CD4: variants seen among roughly 807,000 people sequenced by gnomAD.
CD4 encodes CD4 molecule.
Under a neutral mutation model 50.5 loss-of-function variants are expected in CD4, and 25 were observed. The observed-to-expected ratio is 0.49, with a 90% CI of 0.36 to 0.69. The LOEUF (loss-of-function observed/expected upper bound fraction) is 0.69. Ranked by LOEUF, CD4 falls within the 30% of genes least tolerant of loss-of-function variation. CD4 has a pLI of 0.00. For missense variants in CD4, 456 were observed against 548.5 expected (o/e 0.83, Z 1.68); for synonymous variants, 207 against 221.9 (o/e 0.93, Z 0.60).
Position 6,816,978 on chromosome 12 carries a change from C to A in CD4, c.956-152C>A. On this transcript the variant is annotated intron_variant, in intron 6 of 9. Transcript: ENST00000011653. The surrounding 1 kb of genome is among the most constrained non-coding windows in gnomAD (Gnocchi z 4.9). Reference sequence around the variant, plus strand: ...AAGCAGTGGAGCTGGGATTCAAATCCAATACCACTGGACCCCAAACGCTGT... The same window carrying A: ...AAGCAGTGGAGCTGGGATTCAAATCAAATACCACTGGACCCCAAACGCTGT... 1 of 633,874 alleles carries A rather than the reference C, an allele frequency of 1.6e-6. No individual in the cohort carries two copies. The allele number at this position is 633,874 out of a possible 1,614,324, so 39.3% of individuals were successfully genotyped here. A position where few individuals can be genotyped will look rare whatever the true frequency, so the allele number is the denominator to read the frequency against.
chr12:6,802,271 T>C (rs2855535), intron 3 of CD4, among the ~76,000 whole-genome samples: 138,381 of 152,106 alleles, frequency 0.91, 63,472 homozygotes, highest in Non-Finnish European at 0.98. Flanking sequence ...CATACTTCTA[T>C]CACTCAGAGA....
Position 6,800,114 on chromosome 12 carries a change from C to T in CD4, c.-25C>T. 1 of 1,612,670 alleles carries T rather than the reference C, an allele frequency of 6.2e-7. No homozygotes were observed. The highest frequency in any genetic ancestry group is 8.5e-7 in the Non-Finnish European group (1 of 1,178,898). On this transcript the variant is annotated 5_prime_UTR_variant, in exon 2 of 10. Coordinates refer to ENST00000011653, the MANE Select transcript of CD4 (RefSeq NM_000616.5). ...GGCTCAGGTCCCTACTGGCTCAGGC[C>T]CCTGCCTCCCTCGGCAAGGCCACAA...
chr12:6,799,862 T>C (rs957637287), intron 1 of CD4, among the ~76,000 whole-genome samples: 1 of 152,146 alleles, frequency 6.6e-6, no homozygotes, highest in Non-Finnish European at 1.5e-5. Flanking sequence ...TATTCACTTA[T>C]TTATCTTCTG....
At chr12:6,812,770 T>TG (rs782569158) in intron 3 of CD4, among the ~76,000 whole-genome samples, 6,568 of 38,862 alleles carry the variant, frequency 0.17, 360 homozygotes, top group East Asian at 0.5. Context: ...CAAGGTTATT[T>TG]TTGTGTGTGT....
chr12:6,818,318 C>G lies in CD4; in HGVS notation c.1157-103C>G. 1.3e-6 allele frequency: 2 copies of G among 1,488,902 alleles called. No homozygotes were observed. The highest frequency in any genetic ancestry group is 9.1e-7 in the Non-Finnish European group (1 of 1,093,932). 92.2% of individuals were successfully genotyped at this position (1,488,902 alleles called of 1,614,324 possible). On this transcript the variant is annotated intron_variant, in intron 7 of 9. Transcript: ENST00000011653. This position sits in a 1 kb window ranked among gnomAD's most constrained non-coding sequence, Gnocchi z 5.0. ...GCACCCCTCCCCTCTCCCCCAACCC[C>G]AGGGTCAAACCAGAGACTGGCCAGG...
At chr12:6,809,979 T>A (rs1555116767) in intron 3 of CD4, among the ~76,000 whole-genome samples, 1 of 151,048 alleles carries the variant, frequency 6.6e-6, no homozygotes, top group Non-Finnish European at 1.5e-5. Flanking sequence ...AACCTTTGTC[T>A]CCTGGGTTCA....
chr12:6,819,626 G>A lies in CD4; in HGVS notation c.*297G>A. On this transcript the variant is annotated 3_prime_UTR_variant, in exon 10 of 10. Transcript: ENST00000011653. ...CCCACTGCTCATTTGGATCCCAGGG[G>A]AGTGTTCAGGGCCAGCCCTGGCTGG... is the stretch of plus-strand genomic sequence containing the variant. 4.3e-6 allele frequency: 2 copies of A among 462,080 alleles called. No homozygotes were observed. The highest frequency in any genetic ancestry group is 7.9e-6 in the Non-Finnish European group (2 of 252,936). 28.6% of individuals were successfully genotyped at this position (462,080 alleles called of 1,614,324 possible).
In CD4 at chr12:6,818,899, C is replaced by T. The variant is rs1943190036; in HGVS notation, c.1331C>T (p.Thr444Ile). The change falls in exon 9 of 10, where the codon ACC becomes ATC. Residue 444 changes from threonine (T) to isoleucine (I), a missense_variant. Transcript: ENST00000011653. This position sits in a 1 kb window ranked among gnomAD's most constrained non-coding sequence, Gnocchi z 5.0. ...QIKRLLSEKK[T>I]CQCPHRFQKT... ...AAGAGACTCCTCAGTGAGAAGAAGA[C>T]CTGCCAGTGTCCTCAGTAAGGATCT... is the stretch of plus-strand genomic sequence containing the variant. 6.2e-7 allele frequency: 1 copy of T among 1,610,446 alleles called. No homozygotes were observed. Among genetic ancestry groups the T allele is most frequent in the Non-Finnish European group, 8.5e-7 (1 of 1,177,598 alleles).
Position 6,814,248 on chromosome 12 carries a change from C to G in CD4, c.321C>G (p.Tyr107Ter), listed in dbSNP as rs1943024564. ...TTAAGATAGAAGACTCAGATACTTA[C>G]ATCTGTGAAGTGGAGGACCAGAAGG... ...KNLKIEDSDT[Y>*]ICEVEDQKEE... The change falls in exon 4 of 10, where the codon TAC (tyrosine) becomes TAG (stop). Residue 107 changes from tyrosine to a stop codon, truncating the protein, a stop_gained. Coordinates refer to ENST00000011653, the MANE Select transcript of CD4 (RefSeq NM_000616.5). LOFTEE classifies it high-confidence loss of function. 2 of 1,613,874 alleles carry G rather than the reference C, an allele frequency of 1.2e-6. No homozygotes were observed. Among genetic ancestry groups the G allele is most frequent in the Admixed American group, 1.7e-5 (1 of 60,004 alleles).
At chr12:6,794,377 C>CT (rs111700025) in intron 1 of CD4, among the ~76,000 whole-genome samples, 2,785 of 131,670 alleles carry the variant, frequency 0.021, 34 homozygotes, top group Middle Eastern at 0.035. Flanking sequence ...ATATATCTAT[C>CT]TTTTTTTTTT....
At chr12:6,811,262 T>C (rs1310397108) in intron 3 of CD4, among the ~76,000 whole-genome samples, 2 of 152,130 alleles carry the variant, frequency 1.3e-5, no homozygotes, top group South Asian at 2.1e-4. Context: ...TAAATTTAGC[T>C]TCTAAAGCCC....
intron 3 of CD4, among the ~76,000 whole-genome samples, chr12:6,801,461 G>A (rs1208082276): frequency 6.8e-6 from 1 of 147,102 alleles, no homozygotes; most frequent in Non-Finnish European, 1.5e-5. Flanking sequence ...AGGCTGCAGT[G>A]AGCTGAGATT....
At chr12:6,812,771 TTG>T (rs782347075) in intron 3 of CD4, among the ~76,000 whole-genome samples, 1,053 of 57,452 alleles carry the variant, frequency 0.018, 9 homozygotes, top group African/African-American at 0.033. Flanking sequence ...AAGGTTATTT[TTG>T]TGTGTGTGTG....
Position 6,798,394 on chromosome 12 carries a change from G to C in CD4, c.-67-1678G>C, listed in dbSNP as rs1478457340. ...TCACCGTGTTCACCAGGATGGTCTC[G>C]ATCTCCTGACCTCATGATCCGCCCG... On this transcript the variant is annotated intron_variant, in intron 1 of 9. Coordinates refer to ENST00000011653, the MANE Select transcript of CD4 (RefSeq NM_000616.5). Among the ~76,000 whole-genome samples the C allele has an allele frequency of 5.3e-5, 5 of 95,038 alleles. 1 individual carries two copies. The highest frequency in any genetic ancestry group is 2.4e-4 in the South Asian group (1 of 4,238). The allele number at this position is 95,038 out of a possible 152,430, so 62.3% of individuals were successfully genotyped here.
In CD4 at chr12:6,816,018, T is replaced by C; in HGVS notation, c.608-38T>C. ...CCCCACTCGTGCACCCTCATCTTCC[T>C]ATCTCCTCACCCAGGGTCTCTCCCT... On this transcript the variant is annotated intron_variant, in intron 5 of 9. Coordinates refer to ENST00000011653, the MANE Select transcript of CD4 (RefSeq NM_000616.5). The surrounding 1 kb of genome is among the most constrained non-coding windows in gnomAD (Gnocchi z 4.9). 6.2e-7 allele frequency: 1 copy of C among 1,612,912 alleles called. No individual in the cohort carries two copies. The highest frequency in any genetic ancestry group is 8.5e-7 in the Non-Finnish European group (1 of 1,179,612).
Position 6,816,667 on chromosome 12 carries a change from G to A in CD4, c.955+264G>A, listed in dbSNP as rs1469543046. ...GTTCTTCCTATAACCAACCCTCTGT[G>A]ACCCTGGCTAAGCCCCCTCCCACTG... On this transcript the variant is annotated intron_variant, in intron 6 of 9. Coordinates refer to ENST00000011653, the MANE Select transcript of CD4 (RefSeq NM_000616.5). The surrounding 1 kb of genome is among the most constrained non-coding windows in gnomAD (Gnocchi z 4.9). Among the ~76,000 whole-genome samples the A allele has an allele frequency of 1.3e-5, 2 of 152,210 alleles. No homozygotes were observed. The highest frequency in any genetic ancestry group is 2.9e-5 in the Non-Finnish European group (2 of 68,034).
At chr12:6,817,087 C>T (rs1361811375) in intron 6 of CD4, 43 bp from the exon 7 acceptor site, 1 of 1,535,522 alleles carries the variant, frequency 6.5e-7, no homozygotes, top group East Asian at 2.3e-5. Flanking sequence ...AATTGTTCTA[C>T]TGAATCTCAG....
In CD4 at chr12:6,819,029, AG is replaced by A. The variant is rs1555118611; in HGVS notation, c.1346+117del. On this transcript the variant is annotated intron_variant, in intron 9 of 9. Coordinates refer to ENST00000011653, the MANE Select transcript of CD4 (RefSeq NM_000616.5). ...CAGGAAGGGAGGATGGAGAGGAGGA[AG>A]GAGTTGAGGAGGAAGAGCTGGGAGG... is the stretch of plus-strand genomic sequence containing the variant. 4.6e-6 allele frequency: 3 copies of A among 656,450 alleles called. No individual in the cohort carries two copies. In the East Asian group the frequency reaches 1.1e-4, roughly 24 times the overall value. 40.7% of individuals were successfully genotyped at this position (656,450 alleles called of 1,614,324 possible). A position where few individuals can be genotyped will look rare whatever the true frequency, so the allele number is the denominator to read the frequency against.
At chr12:6,817,926 TAC>T (rs534656296) in intron 7 of CD4, among the ~76,000 whole-genome samples, 109 of 151,114 alleles carry the variant, frequency 7.2e-4, no homozygotes, top group African/African-American at 2.6e-3. Flanking sequence ...GTCGTACACG[TAC>T]ACTCACACAC....
Sources: allele counts gnomAD v4.1 joint callset (sites outside exome capture counted in the v4.1 genomes callset), GRCh38; gene constraint gnomAD v4.1.1; non-coding constraint Gnocchi (gnomAD v3.1); transcripts MANE v1.5; gene names NCBI Gene and HGNC (gene_info 2026-07-23, HGNC 2026-07-21).